PTPRD: variants seen among roughly 807,000 people sequenced by gnomAD.
The protein encoded by PTPRD is receptor-type tyrosine-protein phosphatase delta.
Under a neutral mutation model 214.5 loss-of-function variants are expected in PTPRD, and 34 were observed. That is an observed-to-expected ratio of 0.16 (90% confidence interval 0.12 to 0.21). The LOEUF is 0.21. Ranked by LOEUF, PTPRD falls within the 10% of genes least tolerant of loss-of-function variation. PTPRD has a pLI of 1.00. For missense variants in PTPRD, 2,545 were observed against 2,398.7 expected (o/e 1.06, Z -1.27); for synonymous variants, 1,128 against 845.7 (o/e 1.33, Z -5.79).
chr9:10,586,130 A>G (rs1487809173), intron 2 of PTPRD, among the ~76,000 whole-genome samples: 4 of 152,138 alleles, frequency 2.6e-5, no homozygotes, highest in Admixed American at 6.5e-5. Context: ...AGATTTAAGC[A>G]TTCAAAAATT....
At chr9:8,971,866 A>G (rs1468996930) in intron 11 of PTPRD, among the ~76,000 whole-genome samples, 1 of 151,796 alleles carries the variant, frequency 6.6e-6, no homozygotes, top group African/African-American at 2.4e-5. Context: ...CCATTTCTAA[A>G]ATCACACAGC....
At chr9:8,509,036 T>C (rs2097607907) in intron 21 of PTPRD, among the ~76,000 whole-genome samples, 2 of 152,052 alleles carry the variant, frequency 1.3e-5, no homozygotes, top group African/African-American at 4.8e-5. Context: ...TCACAGGCCT[T>C]GAGAGTCTCA....
In PTPRD at chr9:8,656,123, C is replaced by T. The variant is rs188445622; in HGVS notation, c.65-19279G>A. Among the ~76,000 whole-genome samples the T allele has an allele frequency of 5.0e-3, 756 of 152,156 alleles. 2 individuals are homozygous for T. The highest frequency in any genetic ancestry group is 8.5e-3 in the Non-Finnish European group (578 of 68,000). ...TTTATTTCAAAATACTGCCCAACAGCCCCCCACAACTGAATCACCTGTTGT... is the reference window on the plus strand; with the variant it reads ...TTTATTTCAAAATACTGCCCAACAGTCCCCCACAACTGAATCACCTGTTGT... On this transcript the variant is annotated intron_variant, in intron 12 of 45. Transcript: ENST00000381196.
chr9:8,694,297 A>C (rs1256857870), intron 12 of PTPRD, among the ~76,000 whole-genome samples: 2 of 152,084 alleles, frequency 1.3e-5, no homozygotes, highest in African/African-American at 2.4e-5. Flanking sequence ...TAAAAGTTGT[A>C]ATTTTTTTTT....
chr9:8,495,178 C>T (rs755407785), intron 26 of PTPRD, among the ~76,000 whole-genome samples: 3 of 152,156 alleles, frequency 2.0e-5, no homozygotes, highest in Non-Finnish European at 4.4e-5. Context: ...CCTGTGACTA[C>T]CCAGTGTTAC....
intron 3 of PTPRD, among the ~76,000 whole-genome samples, chr9:10,162,791 C>T (rs1178057883): frequency 6.8e-6 from 1 of 148,080 alleles, no homozygotes; most frequent in African/African-American, 2.5e-5. Flanking sequence ...CTTGATCACC[C>T]CTCAATATTG....
intron 44 of PTPRD, among the ~76,000 whole-genome samples, chr9:8,320,580 A>C (rs1419132507): frequency 6.6e-6 from 1 of 152,004 alleles, no homozygotes; most frequent in Admixed American, 6.6e-5. Context: ...GTACACATGA[A>C]GTAAATACTA....
At chr9:8,461,742 C>T (rs2096410986) in intron 32 of PTPRD, among the ~76,000 whole-genome samples, 1 of 151,984 alleles carries the variant, frequency 6.6e-6, no homozygotes, top group African/African-American at 2.4e-5. Flanking sequence ...GTCCCATCCT[C>T]ATCTTTCCAA....
chr9:9,307,807 G>C (rs1328241364), intron 9 of PTPRD, among the ~76,000 whole-genome samples: 4 of 152,130 alleles, frequency 2.6e-5, no homozygotes, highest in Non-Finnish European at 5.9e-5. Context: ...TAATTGACCA[G>C]TATCATCTTC....
intron 8 of PTPRD, among the ~76,000 whole-genome samples, chr9:9,539,496 G>A (rs2077159042): frequency 6.6e-6 from 1 of 151,770 alleles, no homozygotes; most frequent in South Asian, 2.1e-4. Flanking sequence ...AAAATATTCT[G>A]ATAAAATAAT....
Position 8,964,190 on chromosome 9 carries a change from G to GTTTTTTTTTTTTTTTTTTT in PTPRD, c.-104+54506_-104+54507insAAAAAAAAAAAAAAAAAAA. On this transcript the variant is annotated intron_variant, in intron 11 of 45. Coordinates refer to ENST00000381196, the MANE Select transcript of PTPRD (RefSeq NM_002839.4). ...CTGTGAATCTATCTAGTTCAGGGCT[G>GTTTTTTTTTTTTTTTTTTT]TGTTTTTTTTTTTTTTTTTTTTTTT... Among the ~76,000 whole-genome samples the GTTTTTTTTTTTTTTTTTTT allele has an allele frequency of 4.1e-3, 215 of 52,904 alleles. 41 individuals carry two copies. Among genetic ancestry groups the GTTTTTTTTTTTTTTTTTTT allele is most frequent in the East Asian group, 6.2e-3 (6 of 964 alleles). 34.7% of individuals were successfully genotyped at this position (52,904 alleles called of 152,430 possible).
At chr9:8,920,237 G>T (rs950196333) in intron 11 of PTPRD, among the ~76,000 whole-genome samples, 2 of 151,762 alleles carry the variant, frequency 1.3e-5, no homozygotes, top group African/African-American at 4.8e-5. Context: ...GCTACTTGGG[G>T]GGCTGAGGCA....
chr9:8,849,789 C>G (rs2097777145), intron 11 of PTPRD, among the ~76,000 whole-genome samples: 1 of 152,098 alleles, frequency 6.6e-6, no homozygotes, highest in Non-Finnish European at 1.5e-5. Flanking sequence ...AATTTGGGAG[C>G]AGACTGCAAA....
intron 11 of PTPRD, among the ~76,000 whole-genome samples, chr9:8,905,220 A>G (rs568903726): frequency 6.6e-6 from 1 of 152,266 alleles, no homozygotes; most frequent in East Asian, 1.9e-4. Context: ...GTTCCAAAGT[A>G]AAGCATTCTG....
intron 3 of PTPRD, among the ~76,000 whole-genome samples, chr9:10,165,675 T>C (rs1474378911): frequency 6.6e-6 from 1 of 151,656 alleles, no homozygotes; most frequent in Admixed American, 6.6e-5. Context: ...CCTAGAATAG[T>C]TGATGAATGA....
At chr9:8,658,685 A>G (rs1032977344) in intron 12 of PTPRD, among the ~76,000 whole-genome samples, 5 of 151,336 alleles carry the variant, frequency 3.3e-5, no homozygotes, top group Non-Finnish European at 7.4e-5. Context: ...AAAAAAAAAA[A>G]AAAGGTGAAG....
intron 11 of PTPRD, among the ~76,000 whole-genome samples, chr9:8,980,949 A>C (rs2099309644): frequency 6.6e-6 from 1 of 152,074 alleles, no homozygotes; most frequent in Admixed American, 6.6e-5. Flanking sequence ...AATGGGTATA[A>C]AACTGACATT....
Position 8,849,182 on chromosome 9 carries a change from T to TC in PTPRD, c.-103-115237_-103-115236insG, listed in dbSNP as rs1555427727. ...CAACTCAAAAAAAAATTTTTTTTTT[T>TC]TTTTTTTTTTTGAGACGGAGTCTCG... is the stretch of plus-strand genomic sequence containing the variant. On this transcript the variant is annotated intron_variant, in intron 11 of 45. Coordinates refer to ENST00000381196, the MANE Select transcript of PTPRD (RefSeq NM_002839.4). 2.7e-5 allele frequency among the ~76,000 whole-genome samples: 4 copies of TC among 145,852 alleles called. 1 individual carries two copies. The highest frequency in any genetic ancestry group is 2.7e-4 in the Admixed American group (4 of 14,768).
intron 44 of PTPRD, among the ~76,000 whole-genome samples, chr9:8,320,263 T>C (rs1826012345): frequency 6.6e-6 from 1 of 152,062 alleles, no homozygotes; most frequent in African/African-American, 2.4e-5. Context: ...AAAGGGTAAA[T>C]AACATATAGG....
Sources: allele counts gnomAD v4.1 joint callset (sites outside exome capture counted in the v4.1 genomes callset), GRCh38; gene constraint gnomAD v4.1.1; transcripts MANE v1.5; gene names NCBI Gene and HGNC (gene_info 2026-07-23, HGNC 2026-07-21).